The following DACH1 variants were observed in gnomAD, a reference collection of about 807,000 sequenced individuals.
The protein encoded by DACH1 is dachshund family transcription factor 1.
Under a neutral mutation model 54.2 loss-of-function variants are expected in DACH1, and 12 were observed. The observed-to-expected ratio is 0.22, with a 90% CI of 0.14 to 0.36. The LOEUF is 0.36. DACH1 is among the 10% of genes least tolerant of loss of function. The pLI is 1.00. For missense variants in DACH1, 805 were observed against 929.8 expected (o/e 0.87, Z 1.75); for synonymous variants, 386 against 366.2 (o/e 1.05, Z -0.62).
chr13:71,470,932 G>A (rs2138161675), intron 10 of DACH1, among the ~76,000 whole-genome samples: 1 of 152,266 alleles, frequency 6.6e-6, no homozygotes, highest in South Asian at 2.1e-4. Flanking sequence ...ATGGAGAAAT[G>A]GAAGGTGTAG....
At chr13:71,787,302 G>A (rs1886632785) in intron 1 of DACH1, among the ~76,000 whole-genome samples, 2 of 152,180 alleles carry the variant, frequency 1.3e-5, no homozygotes, top group South Asian at 2.1e-4. Context: ...AGTACAGCTG[G>A]CAAATAAAGT....
At chr13:71,781,345 T>TA (rs1886364572) in intron 1 of DACH1, among the ~76,000 whole-genome samples, 7 of 140,716 alleles carry the variant, frequency 5.0e-5, no homozygotes, top group East Asian at 2.0e-4. Flanking sequence ...ATCTTTTTTA[T>TA]TTTTATTTAT....
intron 6 of DACH1, among the ~76,000 whole-genome samples, chr13:71,508,686 C>T (rs767320117): frequency 9.9e-5 from 15 of 151,914 alleles, no homozygotes; most frequent in African/African-American, 3.1e-4. Context: ...AAGCTGATCT[C>T]GAACTCCTGG....
rs186390734 is a variant in DACH1, at chr13:71,462,936, C to T, written c.2083+12205G>A. The stretch of plus-strand genomic sequence containing the variant: ...CACACATAAACCATGAATACATATG[C>T]GTGTGTGTGCATGTGTTTGTGTGTC... On this transcript the variant is annotated intron_variant, in intron 10 of 10. Transcript: ENST00000613252. 4.5e-3 allele frequency among the ~76,000 whole-genome samples: 682 copies of T among 150,226 alleles called. 4 individuals carry two copies. Among genetic ancestry groups the T allele is most frequent in the Non-Finnish European group, 7.7e-3 (517 of 67,354 alleles).
chr13:71,515,905 T>C (rs571144898), intron 6 of DACH1, among the ~76,000 whole-genome samples: 226 of 152,014 alleles, frequency 1.5e-3, no homozygotes, highest in South Asian at 0.012. Flanking sequence ...GACACTGTTA[T>C]CTTAATGTTG....
chr13:71,677,376 C>T (rs1007690042), intron 2 of DACH1, among the ~76,000 whole-genome samples: 8 of 152,114 alleles, frequency 5.3e-5, no homozygotes, highest in African/African-American at 1.7e-4. Flanking sequence ...CTATGGCATC[C>T]GGTGACAACC....
At chr13:71,540,704 T>G (rs932035222) in intron 6 of DACH1, among the ~76,000 whole-genome samples, 2 of 152,074 alleles carry the variant, frequency 1.3e-5, no homozygotes, top group African/African-American at 4.8e-5. Context: ...CTTATAGAGC[T>G]CTGAACATTA....
At chr13:71,457,140 G>A (rs1308249805) in intron 10 of DACH1, among the ~76,000 whole-genome samples, 1 of 151,878 alleles carries the variant, frequency 6.6e-6, no homozygotes, top group East Asian at 1.9e-4. Flanking sequence ...TCAAATGACT[G>A]CAAAAAATAT....
At chr13:71,504,777 C>T (rs1880183575) in intron 6 of DACH1, among the ~76,000 whole-genome samples, 1 of 152,120 alleles carries the variant, frequency 6.6e-6, no homozygotes, top group Non-Finnish European at 1.5e-5. Flanking sequence ...CAATGTATAT[C>T]AAGCTACCAT....
chr13:71,563,488 C>T (rs745887598), intron 4 of DACH1, among the ~76,000 whole-genome samples: 1 of 151,756 alleles, frequency 6.6e-6, no homozygotes, highest in Non-Finnish European at 1.5e-5. Flanking sequence ...AATTATTATG[C>T]CATTAAAATA....
chr13:71,785,206 G>A (rs553090830), intron 1 of DACH1, among the ~76,000 whole-genome samples: 27 of 152,136 alleles, frequency 1.8e-4, no homozygotes, highest in South Asian at 8.3e-4. Flanking sequence ...TAAGAAACCC[G>A]GTTGTATCTT....
chr13:71,673,918 T>G (rs185323503), intron 2 of DACH1, among the ~76,000 whole-genome samples: 2 of 152,248 alleles, frequency 1.3e-5, no homozygotes, highest in Non-Finnish European at 2.9e-5. Context: ...TTCCATACAC[T>G]TAGTATACTT....
At chr13:71,802,229 C>A (rs1160789347) in intron 1 of DACH1, among the ~76,000 whole-genome samples, 1 of 151,904 alleles carries the variant, frequency 6.6e-6, no homozygotes, top group Admixed American at 6.6e-5. Flanking sequence ...TATTCACCAT[C>A]CTTTATTTTT....
intron 2 of DACH1, among the ~76,000 whole-genome samples, chr13:71,651,213 G>A (rs1269701016): frequency 1.3e-5 from 2 of 151,776 alleles, no homozygotes; most frequent in Middle Eastern, 6.3e-3. Flanking sequence ...TTTCAAAAGT[G>A]CATGAGGGCA....
chr13:71,516,492 G>C (rs1391775589), intron 6 of DACH1, among the ~76,000 whole-genome samples: 1 of 151,824 alleles, frequency 6.6e-6, no homozygotes, highest in Non-Finnish European at 1.5e-5. Flanking sequence ...GTTTAAACTA[G>C]CAGCTGTCAA....
intron 1 of DACH1, among the ~76,000 whole-genome samples, chr13:71,758,089 T>A (rs1462302890): frequency 6.6e-6 from 1 of 152,160 alleles, no homozygotes; most frequent in African/African-American, 2.4e-5. Flanking sequence ...CTTGATTACC[T>A]GACAACAATA....
intron 1 of DACH1, among the ~76,000 whole-genome samples, chr13:71,791,984 G>A (rs1181190356): frequency 6.6e-6 from 1 of 152,098 alleles, no homozygotes; most frequent in Non-Finnish European, 1.5e-5. Flanking sequence ...TCCATGGAGG[G>A]ACACTCTAAC....
At chr13:71,480,970 T>C (rs1877978923) in intron 7 of DACH1, among the ~76,000 whole-genome samples, 1 of 152,034 alleles carries the variant, frequency 6.6e-6, no homozygotes, top group African/African-American at 2.4e-5. Flanking sequence ...TGTTTAACAG[T>C]AAAACATAGC....
intron 1 of DACH1, among the ~76,000 whole-genome samples, chr13:71,764,518 G>T (rs1050886822): frequency 2.6e-5 from 4 of 152,082 alleles, no homozygotes; most frequent in Non-Finnish European, 5.9e-5. Flanking sequence ...ACAAAGAAAA[G>T]AAAACATAAA....
Sources: gnomAD v4.1 joint callset for allele counts (sites outside exome capture counted in the v4.1 genomes callset) on GRCh38, gnomAD v4.1.1 for gene constraint, MANE v1.5 for transcripts, NCBI Gene and HGNC (gene_info 2026-07-23, HGNC 2026-07-21) for gene names.